The following SIAH3 variants were observed in gnomAD, a reference collection of about 807,000 sequenced individuals.
SIAH3 encodes siah E3 ubiquitin protein ligase family member 3, also known as seven in absentia homolog 3.
In SIAH3, 9 loss-of-function variants were observed where a neutral mutation model predicts 12.6. That is an observed-to-expected ratio of 0.72 (90% CI 0.43 to 1.25). The LOEUF is 1.25. Among genes scored for constraint, SIAH3 ranks in the 50% most tolerant of loss-of-function variants. The pLI is 0.00. For missense variants in SIAH3, 390 were observed against 365.4 expected, an observed-to-expected ratio of 1.07 and a Z score of -0.55; for synonymous variants, 154 against 151.1, an observed-to-expected ratio of 1.02 and a Z score of -0.14.
At chr13:45,788,831 G>A (rs974343252) in intron 1 of SIAH3, among the ~76,000 whole-genome samples, 1 of 152,198 alleles carries the variant, frequency 6.6e-6, no homozygotes, top group East Asian at 1.9e-4. Flanking sequence ...TATATGGCAG[G>A]CCCTTGCTTC....
At chr13:45,842,804 C>A (rs1315610315) in intron 1 of SIAH3, among the ~76,000 whole-genome samples, 1 of 152,204 alleles carries the variant, frequency 6.6e-6, no homozygotes, top group Non-Finnish European at 1.5e-5. Context: ...TAAAACATTT[C>A]TCTTCTTTCC....
chr13:45,795,996 G>T (rs79530863), intron 1 of SIAH3, among the ~76,000 whole-genome samples: 3,720 of 152,220 alleles, frequency 0.024, 162 homozygotes, highest in African/African-American at 0.085. Flanking sequence ...TAAGAATTTT[G>T]TTTGAAGTTC....
At chr13:45,797,046 T>A (rs545069349) in intron 1 of SIAH3, among the ~76,000 whole-genome samples, 4 of 152,296 alleles carry the variant, frequency 2.6e-5, no homozygotes, top group South Asian at 2.1e-4. Flanking sequence ...ATCTTTGGGT[T>A]ATTATAGTCA....
chr13:45,840,270 C>T lies in SIAH3; in HGVS notation c.135+11225G>A, dbSNP rs1014490078. On this transcript the variant is annotated intron_variant, in intron 1 of 1. Transcript: ENST00000400405. ...GAAACTCTGGCCAAAAAAAAACCCACGAGAAACCACAAGCTAAACTCTGCT... is the reference window on the plus strand; with the variant it reads ...GAAACTCTGGCCAAAAAAAAACCCATGAGAAACCACAAGCTAAACTCTGCT... Among the ~76,000 whole-genome samples, 9 of 152,124 alleles carry T rather than the reference C, an allele frequency of 5.9e-5. No individual in the cohort carries two copies. The East Asian group carries it at 1.2e-3, about 20-fold the overall frequency.
At chr13:45,818,569 T>A (rs2137568790) in intron 1 of SIAH3, among the ~76,000 whole-genome samples, 1 of 152,378 alleles carries the variant, frequency 6.6e-6, no homozygotes, top group South Asian at 2.1e-4. Context: ...GAATCATTCC[T>A]CTTCCAGCTT....
At chr13:45,814,098 G>C (rs891658472) in intron 1 of SIAH3, among the ~76,000 whole-genome samples, 1 of 151,888 alleles carries the variant, frequency 6.6e-6, no homozygotes, top group Non-Finnish European at 1.5e-5. Context: ...AATTAGCCGG[G>C]CGTGGTGGCG....
At chr13:45,848,932 C>T (rs1950769747) in intron 1 of SIAH3, among the ~76,000 whole-genome samples, 1 of 152,226 alleles carries the variant, frequency 6.6e-6, no homozygotes, top group African/African-American at 2.4e-5. Context: ...ACATAGATCA[C>T]AGCTTATTAC....
intron 1 of SIAH3, among the ~76,000 whole-genome samples, chr13:45,832,266 A>ATTT (rs2039978525): frequency 6.6e-6 from 1 of 152,230 alleles, no homozygotes; most frequent in Non-Finnish European, 1.5e-5. Context: ...TTATATTCAC[A>ATTT]ATTTGTGTGA....
intron 1 of SIAH3, among the ~76,000 whole-genome samples, chr13:45,843,657 G>A (rs183358851): frequency 5.3e-5 from 8 of 152,214 alleles, no homozygotes; most frequent in African/African-American, 9.6e-5. Flanking sequence ...GGACAAATCC[G>A]ACTTTCACAT....
intron 1 of SIAH3, among the ~76,000 whole-genome samples, chr13:45,798,120 G>T (rs1950569343): frequency 6.6e-6 from 1 of 152,210 alleles, no homozygotes; most frequent in Non-Finnish European, 1.5e-5. Flanking sequence ...TTTGTTAAGG[G>T]AGAGCTTCGC....
chr13:45,780,381 CCT>C lies in SIAH3; in HGVS notation c.*3000_*3001del, dbSNP rs1950499409. On this transcript the variant is annotated 3_prime_UTR_variant, in exon 2 of 2. Coordinates refer to ENST00000400405, the MANE Select transcript of SIAH3 (RefSeq NM_198849.3). ...CAACCTCCTGGGCTCAAGCCATCCCCCTGTCTTGGCCTCCGAGTAGTTAAGAC... is the reference window on the plus strand; with the variant it reads ...CAACCTCCTGGGCTCAAGCCATCCCCGTCTTGGCCTCCGAGTAGTTAAGAC... 2 of 152,260 alleles carry C rather than the reference CCT, an allele frequency of 1.3e-5. No homozygotes were observed. Among genetic ancestry groups the C allele is most frequent in the Non-Finnish European group, 2.9e-5 (2 of 68,130 alleles). The allele number at this position is 152,260 out of a possible 1,614,324, so 9.4% of individuals were successfully genotyped here. A position where few individuals can be genotyped will look rare whatever the true frequency, so the allele number is the denominator to read the frequency against.
chr13:45,819,822 C>G (rs1359111349), intron 1 of SIAH3, among the ~76,000 whole-genome samples: 1 of 152,192 alleles, frequency 6.6e-6, no homozygotes, highest in African/African-American at 2.4e-5. Context: ...GACTTCTGCC[C>G]TCCTCTCTTG....
intron 1 of SIAH3, among the ~76,000 whole-genome samples, chr13:45,839,462 C>G (rs1184261921): frequency 6.6e-6 from 1 of 152,186 alleles, no homozygotes; most frequent in African/African-American, 2.4e-5. Context: ...CACAAACTTC[C>G]TTTCCTTCAG....
chr13:45,795,168 C>G (rs1201164859), intron 1 of SIAH3, among the ~76,000 whole-genome samples: 1 of 152,076 alleles, frequency 6.6e-6, no homozygotes, highest in Non-Finnish European at 1.5e-5. Flanking sequence ...ATGGAGAGAT[C>G]CAGAGGTAAT....
At chr13:45,830,043 A>C (rs1393072132) in intron 1 of SIAH3, among the ~76,000 whole-genome samples, 1 of 152,194 alleles carries the variant, frequency 6.6e-6, no homozygotes, top group Non-Finnish European at 1.5e-5. Context: ...AGGCTGTTAA[A>C]TGCAGTCCAT....
intron 1 of SIAH3, among the ~76,000 whole-genome samples, chr13:45,806,399 G>A (rs9526109): frequency 0.37 from 56,839 of 151,984 alleles, 11,220 homozygotes; most frequent in African/African-American, 0.41. Flanking sequence ...AAAGTGAATC[G>A]AATTATATCC....
chr13:45,791,452 G>T (rs976328794), intron 1 of SIAH3, among the ~76,000 whole-genome samples: 4 of 152,208 alleles, frequency 2.6e-5, no homozygotes, highest in Non-Finnish European at 4.4e-5. Flanking sequence ...TTTGTCTTCA[G>T]TCAGAGGCTC....
intron 1 of SIAH3, among the ~76,000 whole-genome samples, chr13:45,794,588 G>T (rs1054443227): frequency 6.6e-6 from 1 of 152,086 alleles, no homozygotes; most frequent in African/African-American, 2.4e-5. Flanking sequence ...TTTTGATAGC[G>T]AATAAGTCTT....
intron 1 of SIAH3, among the ~76,000 whole-genome samples, chr13:45,826,385 A>ATGGATGGGTGAGTGGCTGGG (rs1950675652): frequency 2.0e-4 from 1 of 5,088 alleles, no homozygotes; most frequent in Non-Finnish European, 9.8e-4. Context: ...GAATGAATGG[A>ATGGATGGGTGAGTGGCTGGG]TGGATGGATG....
Sources: allele counts gnomAD v4.1 joint callset (sites outside exome capture counted in the v4.1 genomes callset), GRCh38; gene constraint gnomAD v4.1.1; transcripts MANE v1.5; gene names NCBI Gene and HGNC (gene_info 2026-07-23, HGNC 2026-07-21).